KIRREL3: variants seen among roughly 807,000 people sequenced by gnomAD.
KIRREL3 encodes the protein kirre like nephrin family adhesion molecule 3, also known as kin of IRRE-like protein 3.
In KIRREL3, 36 loss-of-function variants were observed where a neutral mutation model predicts 89.7. The observed-to-expected ratio is 0.40, with a 90% CI of 0.31 to 0.53. The LOEUF is 0.53. Among genes scored for constraint, KIRREL3 ranks in the 20% least tolerant of loss-of-function variants. KIRREL3 has a pLI of 0.49. For missense variants in KIRREL3, 864 were observed against 1,056.6 expected (o/e 0.82, Z 2.53); for synonymous variants, 445 against 441.4 (o/e 1.01, Z -0.10).
rs973032270 is a variant in KIRREL3, at chr11:126,877,020, G to A, written c.55+123435C>T. 6.6e-6 allele frequency among the ~76,000 whole-genome samples: 1 copy of A among 152,200 alleles called. No individual in the cohort carries two copies. The highest frequency in any genetic ancestry group is 1.5e-5 in the Non-Finnish European group (1 of 68,042). The stretch of plus-strand genomic sequence containing the variant: ...AACAGATAAGGAAGAGGTGCAAGCT[G>A]CTGAGGTCTGCATAAGAATAAAGGT... On this transcript the variant is annotated intron_variant, in intron 1 of 16. Transcript: ENST00000525144. The surrounding 1 kb of genome is among the most constrained non-coding windows in gnomAD (Gnocchi z 4.9).
At position 126,610,412 on chromosome 11, in the gene KIRREL3, T is replaced by C. The variant is rs1943077862; in HGVS notation, c.56-47500A>G. ...TGAACTGTAAGAGGATTTTAACAGT[T>C]TCCCAAGCAATGCTTCATATTCACA... On this transcript the variant is annotated intron_variant, in intron 1 of 16. Coordinates refer to ENST00000525144, the MANE Select transcript of KIRREL3 (RefSeq NM_032531.4). The surrounding 1 kb of genome is among the most constrained non-coding windows in gnomAD (Gnocchi z 4.6). Among the ~76,000 whole-genome samples the C allele has an allele frequency of 6.6e-6, 1 of 152,186 alleles. No individual in the cohort carries two copies. The highest frequency in any genetic ancestry group is 1.5e-5 in the Non-Finnish European group (1 of 68,040).
At chr11:126,753,365 G>GGA (rs1949397805) in intron 1 of KIRREL3, among the ~76,000 whole-genome samples, 1 of 152,184 alleles carries the variant, frequency 6.6e-6, no homozygotes, top group Admixed American at 6.5e-5. Flanking sequence ...GTTACTCCAA[G>GGA]GAGCCACTTT....
rs1044228128 is a variant in KIRREL3 at position 126,994,662 on chromosome 11, A to G, written c.55+5793T>C. Among the ~76,000 whole-genome samples the G allele has an allele frequency of 6.6e-6, 1 of 152,216 alleles. No individual in the cohort carries two copies. The highest frequency in any genetic ancestry group is 2.4e-5 in the African/African-American group (1 of 41,450). On this transcript the variant is annotated intron_variant, in intron 1 of 16. Coordinates refer to ENST00000525144, the MANE Select transcript of KIRREL3 (RefSeq NM_032531.4). This position sits in a 1 kb window ranked among gnomAD's most constrained non-coding sequence, Gnocchi z 5.2. ...CCACTGGGAGAGGAGAAAAAGAATT[A>G]AAAAGCATAATGGTCCTAGCTCCTT...
chr11:126,914,136 T>C (rs758058229), intron 1 of KIRREL3, among the ~76,000 whole-genome samples: 6 of 152,224 alleles, frequency 3.9e-5, no homozygotes, highest in Non-Finnish European at 8.8e-5. Flanking sequence ...GGCCAATTCC[T>C]GCCCTCTGTC....
rs1944756963 is a variant in KIRREL3, at chr11:126,647,960, G to T, written c.56-85048C>A. ...GCTTGCTTATACAGTTTGGATTTGTGTCCCCACCCAAATGTCATGTCATAT... is the reference window on the plus strand; with the variant it reads ...GCTTGCTTATACAGTTTGGATTTGTTTCCCCACCCAAATGTCATGTCATAT... On this transcript the variant is annotated intron_variant, in intron 1 of 16. Coordinates refer to ENST00000525144, the MANE Select transcript of KIRREL3 (RefSeq NM_032531.4). The surrounding 1 kb of genome is among the most constrained non-coding windows in gnomAD (Gnocchi z 4.9). 6.6e-6 allele frequency among the ~76,000 whole-genome samples: 1 copy of T among 152,096 alleles called. No homozygotes were observed. The highest frequency in any genetic ancestry group is 1.5e-5 in the Non-Finnish European group (1 of 68,028).
rs1241325574 is a variant in KIRREL3, at chr11:126,610,331, ATCTG to A, written c.56-47423_56-47420del. 2.0e-5 allele frequency among the ~76,000 whole-genome samples: 3 copies of A among 152,126 alleles called. No homozygotes were observed. Among genetic ancestry groups the A allele is most frequent in the Admixed American group, 6.5e-5 (1 of 15,282 alleles). ...GGTCTTGAACTCCTGGTCTCAAACA[ATCTG>A]TCTGCCTTGGCCTCCCAAATTGCTG... On this transcript the variant is annotated intron_variant, in intron 1 of 16. Transcript: ENST00000525144. This position sits in a 1 kb window ranked among gnomAD's most constrained non-coding sequence, Gnocchi z 4.6.
chr11:126,479,802 C>A (rs1957172054), intron 4 of KIRREL3, among the ~76,000 whole-genome samples: 1 of 152,170 alleles, frequency 6.6e-6, no homozygotes, highest in Admixed American at 6.5e-5. Flanking sequence ...GAACAGCTTC[C>A]TTTGTGTATG....
intron 1 of KIRREL3, among the ~76,000 whole-genome samples, chr11:126,923,251 TC>T (rs1947519944): frequency 3.4e-5 from 2 of 58,852 alleles, no homozygotes; most frequent in African/African-American, 1.4e-4. Flanking sequence ...TTCTTCTTCT[TC>T]TTCTTCTTCT....
At position 126,640,901 on chromosome 11, in the gene KIRREL3, C is replaced by T. The variant is rs547237830; in HGVS notation, c.56-77989G>A. Among the ~76,000 whole-genome samples the T allele has an allele frequency of 3.3e-5, 5 of 152,116 alleles. No homozygotes were observed. The highest frequency in any genetic ancestry group is 4.8e-5 in the African/African-American group (2 of 41,404). On this transcript the variant is annotated intron_variant, in intron 1 of 16. Transcript: ENST00000525144. The surrounding 1 kb of genome is among the most constrained non-coding windows in gnomAD (Gnocchi z 4.9). Reference sequence around the variant, plus strand: ...TTCTCAATCTTATGGCTTTAAACACCGACTCTACTCTGATGTCTCTCAATT... The same window carrying T: ...TTCTCAATCTTATGGCTTTAAACACTGACTCTACTCTGATGTCTCTCAATT...
chr11:126,748,142 C>T lies in KIRREL3; in HGVS notation c.56-185230G>A, dbSNP rs1032423642. On this transcript the variant is annotated intron_variant, in intron 1 of 16. Coordinates refer to ENST00000525144, the MANE Select transcript of KIRREL3 (RefSeq NM_032531.4). The surrounding 1 kb of genome is among the most constrained non-coding windows in gnomAD (Gnocchi z 4.6). ...AGCTGAATTGTTTTTATGTTATTCC[C>T]GTTCCAGTGACTTCAGAGGTGGCCC... Among the ~76,000 whole-genome samples the T allele has an allele frequency of 3.3e-5, 5 of 152,138 alleles. No homozygotes were observed. The highest frequency in any genetic ancestry group is 4.8e-5 in the African/African-American group (2 of 41,436).
rs1047256568 is a variant in KIRREL3, at chr11:126,454,429, G to T, written c.848+1920C>A. The stretch of plus-strand genomic sequence containing the variant: ...AAAGTTGTGTGTCCTGGTCTCTGGG[G>T]CGCCCAACAGGCATTCTAAGGGTGG... On this transcript the variant is annotated intron_variant, in intron 7 of 16. Transcript: ENST00000525144. This position sits in a 1 kb window ranked among gnomAD's most constrained non-coding sequence, Gnocchi z 5.8. Among the ~76,000 whole-genome samples the T allele has an allele frequency of 3.3e-5, 5 of 152,182 alleles. No homozygotes were observed. The highest frequency in any genetic ancestry group is 7.3e-5 in the Non-Finnish European group (5 of 68,030).
intron 1 of KIRREL3, among the ~76,000 whole-genome samples, chr11:126,598,608 AGGATG>A (rs1942505896): frequency 1.3e-5 from 2 of 152,212 alleles, no homozygotes; most frequent in Non-Finnish European, 2.9e-5. Flanking sequence ...GCCAGTGCTA[AGGATG>A]GGCTGCCCAT....
In KIRREL3 at chr11:126,521,510, G is replaced by A. The variant is rs372354167; in HGVS notation, c.284-46C>T. On this transcript the variant is annotated intron_variant, in intron 3 of 16. Transcript: ENST00000525144. This position sits in a 1 kb window ranked among gnomAD's most constrained non-coding sequence, Gnocchi z 4.1. ...TCAGGGAGCTGGGGTGGGGTGGAGG[G>A]GACACCCATGACAAAGAGGCACAGA... is the stretch of plus-strand genomic sequence containing the variant. 306 of 1,524,818 alleles carry A rather than the reference G, an allele frequency of 2.0e-4. 2 individuals carry two copies. The African/African-American group carries it at 3.8e-3, about 19-fold the overall frequency. 94.5% of individuals were successfully genotyped at this position (1,524,818 alleles called of 1,614,324 possible).
chr11:126,696,227 A>C lies in KIRREL3; in HGVS notation c.56-133315T>G, dbSNP rs1947088577. 6.6e-6 allele frequency among the ~76,000 whole-genome samples: 1 copy of C among 150,944 alleles called. No homozygotes were observed. Among genetic ancestry groups the C allele is most frequent in the South Asian group, 2.1e-4 (1 of 4,724 alleles). ...AGCCAACATCCCGCCACTCCACTCC[A>C]GCCTGGGCCACTGAGCGAGACTCTA... is the stretch of plus-strand genomic sequence containing the variant. On this transcript the variant is annotated intron_variant, in intron 1 of 16. Coordinates refer to ENST00000525144, the MANE Select transcript of KIRREL3 (RefSeq NM_032531.4). The surrounding 1 kb of genome is among the most constrained non-coding windows in gnomAD (Gnocchi z 4.4).
At position 126,965,676 on chromosome 11, in the gene KIRREL3, C is replaced by T. The variant is rs767041372; in HGVS notation, c.55+34779G>A. 6.6e-6 allele frequency among the ~76,000 whole-genome samples: 1 copy of T among 152,194 alleles called. No homozygotes were observed. Among genetic ancestry groups the T allele is most frequent in the Non-Finnish European group, 1.5e-5 (1 of 68,046 alleles). On this transcript the variant is annotated intron_variant, in intron 1 of 16. Transcript: ENST00000525144. This position sits in a 1 kb window ranked among gnomAD's most constrained non-coding sequence, Gnocchi z 4.4. ...TCAGAGCCATGGATAATCGAAACCT[C>T]AGCCAAAAGAAGATCAATAAATATT...
chr11:126,586,667 G>A (rs759898283), intron 1 of KIRREL3, among the ~76,000 whole-genome samples: 91 of 152,014 alleles, frequency 6.0e-4, no homozygotes, highest in Non-Finnish European at 9.4e-4. Context: ...TGTTTACAAC[G>A]CCACATCAAG....
chr11:126,790,522 T>C (rs1037037280), intron 1 of KIRREL3, among the ~76,000 whole-genome samples: 2 of 152,162 alleles, frequency 1.3e-5, no homozygotes, highest in Admixed American at 6.5e-5. Context: ...ATACCTAGAA[T>C]ATAGTTAGTG....
chr11:126,449,153 C>T lies in KIRREL3; in HGVS notation c.853G>A (p.Ala285Thr). ...ANPAVTQYRW[A>T]KRGQIIKEAS... Reference sequence around the variant, plus strand: ...TCCTTGATGATCTGGCCCCGCTTGGCCCACCTGCAACAAAGGCCAGGGGCT... The same window carrying T: ...TCCTTGATGATCTGGCCCCGCTTGGTCCACCTGCAACAAAGGCCAGGGGCT... Residue 285 changes from alanine (A) to threonine (T), a missense_variant, in exon 8 of 17, where the codon GCC (alanine) becomes ACC (threonine). Transcript: ENST00000525144. 1 of 1,613,756 alleles carries T rather than the reference C, an allele frequency of 6.2e-7. No individual in the cohort carries two copies. Among genetic ancestry groups the T allele is most frequent in the Non-Finnish European group, 8.5e-7 (1 of 1,179,722 alleles).
rs545555396 is a variant in KIRREL3 at position 126,644,249 on chromosome 11, G to A, written c.56-81337C>T. 8.4e-4 allele frequency among the ~76,000 whole-genome samples: 128 copies of A among 152,220 alleles called. 1 individual carries two copies. The highest frequency in any genetic ancestry group is 1.7e-3 in the Non-Finnish European group (118 of 68,040). On this transcript the variant is annotated intron_variant, in intron 1 of 16. Transcript: ENST00000525144. ...TAGGCAGAAGGACGAAAAGCTGAGT[G>A]TTACTAATAGTAGAGGTAAAACATG...
Sources: allele counts gnomAD v4.1 joint callset (sites outside exome capture counted in the v4.1 genomes callset), GRCh38; gene constraint gnomAD v4.1.1; non-coding constraint Gnocchi (gnomAD v3.1); transcripts MANE v1.5; gene names NCBI Gene and HGNC (gene_info 2026-07-23, HGNC 2026-07-21).